The following MLLT10 variants were observed in gnomAD, a reference collection of about 807,000 sequenced individuals.
MLLT10 encodes MLLT10 histone lysine methyltransferase DOT1L cofactor, also known as protein AF-10.
In MLLT10, 30 loss-of-function variants were observed where a neutral mutation model predicts 129.1. The observed-to-expected ratio is 0.23, with a 90% CI of 0.17 to 0.32. The LOEUF (loss-of-function observed/expected upper bound fraction) is 0.32, where lower values mean the gene tolerates loss of function less well. Ranked by LOEUF, MLLT10 falls within the 10% of genes least tolerant of loss-of-function variation. The probability of loss-of-function intolerance (pLI) is 1.00; values close to 1 mark genes in which losing one functional copy is unlikely to be tolerated. For synonymous variants in MLLT10, 490 were observed against 446.4 expected (o/e 1.10, Z -1.23); for missense variants, 1,119 against 1,268.3 (o/e 0.88, Z 1.79).
chr10:21,696,608 A>G (rs1046673913), intron 13 of MLLT10, among the ~76,000 whole-genome samples: 2 of 152,036 alleles, frequency 1.3e-5, no homozygotes, highest in African/African-American at 4.8e-5. Context: ...CTTCTATTTT[A>G]ATGTTATTTT....
intron 3 of MLLT10, among the ~76,000 whole-genome samples, chr10:21,576,913 G>A (rs1484227489): frequency 6.6e-6 from 1 of 152,188 alleles, no homozygotes. Context: ...TTACAGGCGT[G>A]GGCCACTGCG....
chr10:21,705,023 C>T (rs562778963), intron 13 of MLLT10, among the ~76,000 whole-genome samples: 38 of 152,196 alleles, frequency 2.5e-4, no homozygotes, highest in Non-Finnish European at 3.7e-4. Context: ...TAGGCTGATT[C>T]TTGTGCCTCG....
At chr10:21,574,749 G>A (rs939188610) in intron 3 of MLLT10, among the ~76,000 whole-genome samples, 4 of 152,122 alleles carry the variant, frequency 2.6e-5, no homozygotes, top group Non-Finnish European at 4.4e-5. Flanking sequence ...CTGTCATGGC[G>A]CTTGTGGGAG....
intron 13 of MLLT10, among the ~76,000 whole-genome samples, chr10:21,706,884 TTTGAGAAGTC>T (rs1318858512): frequency 6.6e-6 from 1 of 152,190 alleles, no homozygotes; most frequent in Non-Finnish European, 1.5e-5. Flanking sequence ...AAATGCAGCA[TTTGAGAAGTC>T]ACTGCCATCT....
At chr10:21,615,387 G>T (rs749028277) in intron 7 of MLLT10, among the ~76,000 whole-genome samples, 9 of 148,694 alleles carry the variant, frequency 6.1e-5, no homozygotes, top group South Asian at 4.3e-4. Flanking sequence ...AACCCAGGAG[G>T]TGGAGGTTGC....
intron 8 of MLLT10, among the ~76,000 whole-genome samples, chr10:21,636,252 C>CTATATGGTACTATA (rs1351546935): frequency 6.6e-6 from 1 of 151,986 alleles, no homozygotes; most frequent in East Asian, 1.9e-4. Context: ...TCTGGAGTAG[C>CTATATGGTACTATA]TGGTACTATA....
Position 21,625,868 on chromosome 10 carries a change from C to G in MLLT10, c.699+8661C>G, listed in dbSNP as rs2046379618. 2.1e-5 allele frequency: 16 copies of G among 779,506 alleles called. No homozygotes were observed. In the South Asian group the frequency reaches 2.1e-4, roughly 10 times the overall value. 48.3% of individuals were successfully genotyped at this position (779,506 alleles called of 1,614,324 possible). A position where few individuals can be genotyped will look rare whatever the true frequency, so the allele number is the denominator to read the frequency against. Reference sequence around the variant, plus strand: ...TGGATCTATGATAAGACGTAGATCCCAAATGGGACTGGCCTTCTCAAAAAG... The same window carrying G: ...TGGATCTATGATAAGACGTAGATCCGAAATGGGACTGGCCTTCTCAAAAAG... On this transcript the variant is annotated intron_variant, in intron 8 of 22. Transcript: ENST00000307729.
At chr10:21,655,786 A>G (rs930684733) in intron 9 of MLLT10, among the ~76,000 whole-genome samples, 1 of 152,204 alleles carries the variant, frequency 6.6e-6, no homozygotes, top group Admixed American at 6.5e-5. Context: ...TAACGTTGAG[A>G]TAGCTACAGA....
chr10:21,699,089 G>T (rs1490016449), intron 13 of MLLT10, among the ~76,000 whole-genome samples: 1 of 152,110 alleles, frequency 6.6e-6, no homozygotes, highest in Non-Finnish European at 1.5e-5. Context: ...TGGCCAGGCT[G>T]GTCTCAAACT....
chr10:21,547,618 T>G (rs2036307434), intron 3 of MLLT10, among the ~76,000 whole-genome samples: 1 of 151,966 alleles, frequency 6.6e-6, no homozygotes, highest in Non-Finnish European at 1.5e-5. Context: ...CCTTTCATGT[T>G]CAAGTGATTC....
At chr10:21,600,475 C>T (rs1273797206) in intron 5 of MLLT10, among the ~76,000 whole-genome samples, 1 of 151,650 alleles carries the variant, frequency 6.6e-6, no homozygotes, top group Non-Finnish European at 1.5e-5. Context: ...GTTCATGAAA[C>T]ATATTACTCT....
At chr10:21,641,096 C>T (rs962316698) in intron 8 of MLLT10, among the ~76,000 whole-genome samples, 1 of 152,218 alleles carries the variant, frequency 6.6e-6, no homozygotes, top group African/African-American at 2.4e-5. Context: ...ACCCAGTGCA[C>T]TGGCTGCATG....
chr10:21,699,840 G>A (rs757196819), intron 13 of MLLT10, among the ~76,000 whole-genome samples: 32 of 152,232 alleles, frequency 2.1e-4, no homozygotes, highest in Non-Finnish European at 3.7e-4. Flanking sequence ...TTTTGCTCAG[G>A]ATTACTTCAG....
At chr10:21,640,370 G>GTA (rs1285713232) in intron 8 of MLLT10, among the ~76,000 whole-genome samples, 4 of 147,556 alleles carry the variant, frequency 2.7e-5, no homozygotes, top group Non-Finnish European at 3.0e-5. Context: ...ATGTGTGTGT[G>GTA]TATATATATG....
At chr10:21,589,626 C>T (rs2131106744) in intron 4 of MLLT10, among the ~76,000 whole-genome samples, 1 of 152,230 alleles carries the variant, frequency 6.6e-6, no homozygotes, top group African/African-American at 2.4e-5. Context: ...TTTTAGGATA[C>T]TGTAAATTCA....
chr10:21,542,113 A>G (rs2035276337), intron 3 of MLLT10, among the ~76,000 whole-genome samples: 1 of 152,150 alleles, frequency 6.6e-6, no homozygotes, highest in South Asian at 2.1e-4. Context: ...GCTGGAAAAG[A>G]TAGGAAAATA....
intron 9 of MLLT10, among the ~76,000 whole-genome samples, chr10:21,657,071 A>G (rs1589463383): frequency 6.6e-6 from 1 of 152,202 alleles, no homozygotes; most frequent in South Asian, 2.1e-4. Flanking sequence ...CCTTCTTCCC[A>G]TGGTAGAAGA....
intron 3 of MLLT10, among the ~76,000 whole-genome samples, chr10:21,563,950 C>CT (rs2039195241): frequency 6.6e-6 from 1 of 151,898 alleles, no homozygotes; most frequent in African/African-American, 2.4e-5. Context: ...GTAGCTGGGA[C>CT]TACAGGCTCC....
chr10:21,542,246 T>C lies in MLLT10; in HGVS notation c.240+3334T>C, dbSNP rs1244402188. Among the ~76,000 whole-genome samples the C allele has an allele frequency of 5.9e-5, 9 of 152,218 alleles. No individual in the cohort carries two copies. In the East Asian group the frequency reaches 9.7e-4, roughly 16 times the overall value. The stretch of plus-strand genomic sequence containing the variant: ...ATTCTCTCTGAGGACATGGTCAAAG[T>C]GTCAGTGTGAATAAGGTAGTTAACT... On this transcript the variant is annotated intron_variant, in intron 3 of 22. Coordinates refer to ENST00000307729, the MANE Select transcript of MLLT10 (RefSeq NM_001195626.3).
Sources: gnomAD v4.1 joint callset for allele counts (sites outside exome capture counted in the v4.1 genomes callset) on GRCh38, gnomAD v4.1.1 for gene constraint, MANE v1.5 for transcripts, NCBI Gene and HGNC (gene_info 2026-07-23, HGNC 2026-07-21) for gene names.